SERPINB6: variants seen among roughly 807,000 people sequenced by gnomAD.
The protein encoded by SERPINB6 is serpin B6.
A neutral mutation model predicts 26.1 loss-of-function variants in SERPINB6; 16 were observed. The ratio of observed to expected loss-of-function variants is 0.61; its 90% CI spans 0.42 to 0.93. SERPINB6 has a LOEUF of 0.93. SERPINB6 is among the 40% of genes least tolerant of loss of function. The probability of loss-of-function intolerance (pLI) is 0.00; values close to 1 mark genes in which losing one functional copy is unlikely to be tolerated. For missense variants in SERPINB6, 420 were observed against 478.0 expected (o/e 0.88, Z 1.13); for synonymous variants, 174 against 176.6 (o/e 0.99, Z 0.11).
In SERPINB6 at chr6:2,967,232, C is replaced by G; in HGVS notation, c.-11+4301G>C. 1 of 985,476 alleles carries G rather than the reference C, an allele frequency of 1.0e-6. No homozygotes were observed. Among genetic ancestry groups the G allele is most frequent in the Non-Finnish European group, 1.2e-6 (1 of 829,966 alleles). 61.0% of individuals were successfully genotyped at this position (985,476 alleles called of 1,614,324 possible). A position where few individuals can be genotyped will look rare whatever the true frequency, so the allele number is the denominator to read the frequency against. On this transcript the variant is annotated intron_variant, in intron 1 of 6. Coordinates refer to ENST00000380539, the MANE Select transcript of SERPINB6 (RefSeq NM_004568.6). The surrounding 1 kb of genome is among the most constrained non-coding windows in gnomAD (Gnocchi z 4.3). ...ACACCCACACACAAGTTAGAAAGTT[C>G]TGCTCTGGAAGACTGAAACTGGACC...
intron 4 of SERPINB6, among the ~76,000 whole-genome samples, chr6:2,954,092 TAG>T (rs1352028825): frequency 2.0e-4 from 29 of 145,134 alleles, no homozygotes; most frequent in African/African-American, 6.4e-4. Flanking sequence ...CATTCCAGCC[TAG>T]GTGACAGAGG....
chr6:2,970,179 C>T lies in SERPINB6; in HGVS notation c.-11+1354G>A, dbSNP rs1011774144. 5 of 984,950 alleles carry T rather than the reference C, an allele frequency of 5.1e-6. No individual in the cohort carries two copies. The African/African-American group carries it at 8.8e-5, about 17-fold the overall frequency. The allele number at this position is 984,950 out of a possible 1,614,324, so 61.0% of individuals were successfully genotyped here. On this transcript the variant is annotated intron_variant, in intron 1 of 6. Coordinates refer to ENST00000380539, the MANE Select transcript of SERPINB6 (RefSeq NM_004568.6). ...GACCGTACAACATCTGCTTGGGTGC[C>T]CTTATTATTACATATGTGGAAAAGA...
chr6:2,955,454 C>T, intron 3 of SERPINB6, 70 bp downstream of exon 3: 1 of 1,590,930 alleles, frequency 6.3e-7, no homozygotes, highest in Non-Finnish European at 8.6e-7. Flanking sequence ...CACACGCTTC[C>T]TGCTGGGCCC....
At chr6:2,958,312 C>T (rs1302737866) in intron 2 of SERPINB6, 5 of 152,266 alleles carry the variant, frequency 3.3e-5, no homozygotes, top group Non-Finnish European at 2.9e-5. Context: ...AGGGAACCAC[C>T]AGGTCCAGAG....
chr6:2,966,044 G>T (rs1027071769), intron 1 of SERPINB6, among the ~76,000 whole-genome samples: 1 of 152,214 alleles, frequency 6.6e-6, no homozygotes, highest in African/African-American at 2.4e-5. Context: ...TCCTTAAAAT[G>T]AAATACGGAG....
chr6:2,965,813 T>A (rs1039761710), intron 1 of SERPINB6, among the ~76,000 whole-genome samples: 5 of 152,242 alleles, frequency 3.3e-5, no homozygotes, highest in Non-Finnish European at 7.3e-5. Context: ...TCTTATGGGG[T>A]TAAATCCTAA....
chr6:2,968,640 T>TA (rs1771852655), intron 1 of SERPINB6: 1 of 1,222,558 alleles, frequency 8.2e-7, no homozygotes. Context: ...TGGGGTCCTT[T>TA]TGTTATGGTG....
Position 2,948,477 on chromosome 6 carries a change from T to C in SERPINB6, c.952A>G (p.Lys318Glu). The C allele has an allele frequency of 1.9e-6, 3 of 1,614,182 alleles. No individual in the cohort carries two copies. The highest frequency in any genetic ancestry group is 2.5e-6 in the Non-Finnish European group (3 of 1,180,028). Residue 318 changes from lysine to glutamate, a missense_variant, in exon 7 of 7, where the codon AAG becomes GAG. Physicochemically the swap from Lys to Glu is moderately conservative, Grantham distance 56. Coordinates refer to ENST00000380539, the MANE Select transcript of SERPINB6 (RefSeq NM_004568.6). This position sits in a 1 kb window ranked among gnomAD's most constrained non-coding sequence, Gnocchi z 5.0. ...TDLSLSKVVHKSFVEVNEEGT... is the reference protein window; with the variant it reads ...TDLSLSKVVHESFVEVNEEGT... ...TCCTCATTGACCTCCACAAAAGACT[T>C]GTGCACGACCTTGGACAGAGACAGG...
chr6:2,959,062 G>T, intron 2 of SERPINB6, 106 bp downstream of exon 2: 1 of 1,453,972 alleles, frequency 6.9e-7, no homozygotes, highest in Non-Finnish European at 9.6e-7. Flanking sequence ...CCCACACCCT[G>T]CAATACTGCA....
chr6:2,949,204 C>T (rs1365730731), intron 5 of SERPINB6, 135 bp from the exon 6 acceptor site: 43 of 970,032 alleles, frequency 4.4e-5, no homozygotes, highest in East Asian at 7.9e-5. Flanking sequence ...CACCCGGCAG[C>T]GCCTGCTCTG....
chr6:2,948,389 G>C lies in SERPINB6; in HGVS notation c.1040C>G (p.Pro347Arg). 1 of 1,614,126 alleles carries C rather than the reference G, an allele frequency of 6.2e-7. No individual in the cohort carries two copies. The highest frequency in any genetic ancestry group is 2.2e-5 in the East Asian group (1 of 44,866). The change falls in exon 7 of 7, where the codon CCC (proline) becomes CGC (arginine). Residue 347 changes from proline to arginine, a missense_variant. By Grantham distance (103) the Pro-to-Arg change is moderately radical. Transcript: ENST00000380539. This position sits in a 1 kb window ranked among gnomAD's most constrained non-coding sequence, Gnocchi z 5.0. Reference sequence around the variant, plus strand: ...GAAGGGGTGGTCGGCGCAGAAGCGGGGGACGAATCTGGCACACCGCATCAT... The same window carrying C: ...GAAGGGGTGGTCGGCGCAGAAGCGGCGGACGAATCTGGCACACCGCATCAT... ...IMMMRCARFV[P>R]RFCADHPFLF... is the part of the protein sequence containing the mutation.
rs1771653305 is a variant in SERPINB6 at position 2,966,457 on chromosome 6, C to A, written c.-11+5076G>T. 3 of 974,074 alleles carry A rather than the reference C, an allele frequency of 3.1e-6. No homozygotes were observed. In the African/African-American group the frequency reaches 5.3e-5, roughly 17 times the overall value. The allele number at this position is 974,074 out of a possible 1,614,324, so 60.3% of individuals were successfully genotyped here. A position where few individuals can be genotyped will look rare whatever the true frequency, so the allele number is the denominator to read the frequency against. On this transcript the variant is annotated intron_variant, in intron 1 of 6. Coordinates refer to ENST00000380539, the MANE Select transcript of SERPINB6 (RefSeq NM_004568.6). ...GTGGTCTGTTAGGAACTGGGCCACGCAGCAGGAGGTGAGCAGCAGGTGAGC... is the reference window on the plus strand; with the variant it reads ...GTGGTCTGTTAGGAACTGGGCCACGAAGCAGGAGGTGAGCAGCAGGTGAGC...
At chr6:2,954,516 G>A in intron 4 of SERPINB6, 76 bp downstream of exon 4, 1 of 1,133,826 alleles carries the variant, frequency 8.8e-7, no homozygotes, top group Non-Finnish European at 1.3e-6. Context: ...GTTTACAATT[G>A]ACAGTCTTGT....
At chr6:2,964,667 TA>T (rs1771450319) in intron 1 of SERPINB6, among the ~76,000 whole-genome samples, 1 of 152,176 alleles carries the variant, frequency 6.6e-6, no homozygotes. Flanking sequence ...CAGGTGGTGT[TA>T]AAAGAGATGT....
At chr6:2,968,830 T>G in intron 1 of SERPINB6, 1 of 1,231,654 alleles carries the variant, frequency 8.1e-7, no homozygotes, top group Non-Finnish European at 1.0e-6. Context: ...GGAGCTTCAC[T>G]GCAGTGTGCT....
chr6:2,968,935 G>C (rs1304959496), intron 1 of SERPINB6: 1 of 1,224,480 alleles, frequency 8.2e-7, no homozygotes, highest in Admixed American at 4.3e-5. Context: ...TGGGGTGGAA[G>C]CAGATGGGGG....
At chr6:2,957,788 T>C (rs1386792181) in intron 2 of SERPINB6, 1 of 152,464 alleles carries the variant, frequency 6.6e-6, no homozygotes, top group Non-Finnish European at 1.5e-5. Flanking sequence ...CACGGGCCAT[T>C]TCTTACAGAA....
At chr6:2,962,853 AACAAGG>A (rs1771266561) in intron 1 of SERPINB6, among the ~76,000 whole-genome samples, 1 of 152,210 alleles carries the variant, frequency 6.6e-6, no homozygotes. Context: ...ATGCTTCCTT[AACAAGG>A]TAAGAATTAC....
At chr6:2,971,792 C>CT (rs566150206), upstream of SERPINB6, 3 of 152,554 alleles carry the variant, frequency 2.0e-5, no homozygotes, top group Admixed American at 2.0e-4. Context: ...TCTGTGGAGA[C>CT]TGAATGCTGG....
Sources: allele counts gnomAD v4.1 joint callset (sites outside exome capture counted in the v4.1 genomes callset), GRCh38; gene constraint gnomAD v4.1.1; non-coding constraint Gnocchi (gnomAD v3.1); transcripts MANE v1.5; gene names NCBI Gene and HGNC (gene_info 2026-07-23, HGNC 2026-07-21).